The following VIT variants were observed in gnomAD, a reference collection of about 807,000 sequenced individuals.
VIT encodes vitrin.
A neutral mutation model predicts 78.0 loss-of-function variants in VIT; 99 were observed. The observed-to-expected ratio is 1.27, with a 90% CI of 1.08 to 1.50. VIT has a LOEUF of 1.50. VIT is among the 40% of genes most tolerant of loss of function. VIT has a pLI of 0.00. For missense variants in VIT, 1,126 were observed against 875.3 expected (o/e 1.29, Z -3.61); for synonymous variants, 374 against 334.3 (o/e 1.12, Z -1.29).
intron 1 of VIT, among the ~76,000 whole-genome samples, chr2:36,702,267 G>A (rs1317397890): frequency 6.6e-6 from 1 of 152,104 alleles, no homozygotes; most frequent in Non-Finnish European, 1.5e-5. Context: ...CCAAGGGTGC[G>A]CTTTGGACAA....
chr2:36,777,013 C>T (rs1418226479), intron 9 of VIT, among the ~76,000 whole-genome samples: 17 of 147,070 alleles, frequency 1.2e-4, no homozygotes, highest in Admixed American at 7.7e-4. Context: ...GGCATGAACC[C>T]AGGAGGCGGA....
At chr2:36,759,468 C>T in intron 6 of VIT, 2 of 1,201,850 alleles carry the variant, frequency 1.7e-6, no homozygotes, top group East Asian at 1.1e-4. Context: ...AGCTGCTCAT[C>T]CAAATAACCC....
At chr2:36,764,884 G>A (rs1177347314) in intron 6 of VIT, among the ~76,000 whole-genome samples, 1 of 151,916 alleles carries the variant, frequency 6.6e-6, no homozygotes, top group African/African-American at 2.4e-5. Context: ...AATGTCAAAG[G>A]GGAAGGTGGA....
chr2:36,697,179 A>G (rs1254590179), intron 1 of VIT, among the ~76,000 whole-genome samples: 1 of 152,240 alleles, frequency 6.6e-6, no homozygotes, highest in African/African-American at 2.4e-5. Flanking sequence ...TTATAAATAA[A>G]CTGCATTGAT....
intron 12 of VIT, among the ~76,000 whole-genome samples, chr2:36,794,730 A>C (rs890821529): frequency 6.6e-6 from 1 of 152,204 alleles, no homozygotes; most frequent in Non-Finnish European, 1.5e-5. Context: ...TAATTTTAGC[A>C]ATCAGAAAGG....
At chr2:36,779,073 C>T (rs191821252) in intron 9 of VIT, among the ~76,000 whole-genome samples, 1 of 152,238 alleles carries the variant, frequency 6.6e-6, no homozygotes, top group Non-Finnish European at 1.5e-5. Flanking sequence ...TAGGAGCAGG[C>T]ATGCTTCTGG....
intron 8 of VIT, 53 bp downstream of exon 8, chr2:36,773,900 A>G (rs1669905778): frequency 7.1e-6 from 11 of 1,545,164 alleles, no homozygotes; most frequent in East Asian, 2.3e-5. Context: ...GCTTGTTTAC[A>G]TGCGGTTCCT....
intron 12 of VIT, among the ~76,000 whole-genome samples, chr2:36,799,703 C>T (rs1196343019): frequency 5.2e-5 from 7 of 134,424 alleles, no homozygotes; most frequent in Admixed American, 2.4e-4. Context: ...AGCAACAGAA[C>T]GAAACCCTGT....
At chr2:36,780,107 T>C (rs1034885110) in intron 9 of VIT, among the ~76,000 whole-genome samples, 3 of 152,260 alleles carry the variant, frequency 2.0e-5, no homozygotes, top group African/African-American at 7.2e-5. Context: ...AAGTCTCAGC[T>C]GTCCAAATAT....
At chr2:36,764,351 T>C (rs1334008357) in intron 6 of VIT, among the ~76,000 whole-genome samples, 3 of 152,238 alleles carry the variant, frequency 2.0e-5, no homozygotes, top group Admixed American at 1.3e-4. Flanking sequence ...AACCCGGGCC[T>C]GCATCTCCGT....
At chr2:36,755,496 C>G (rs1028373287) in intron 5 of VIT, among the ~76,000 whole-genome samples, 5 of 152,152 alleles carry the variant, frequency 3.3e-5, no homozygotes, top group African/African-American at 1.2e-4. Context: ...TAATGGCAGT[C>G]TGTTCCATTG....
chr2:36,803,036 T>G (rs1666444699), intron 13 of VIT, among the ~76,000 whole-genome samples: 1 of 152,300 alleles, frequency 6.6e-6, no homozygotes, highest in Admixed American at 6.5e-5. Flanking sequence ...AGAAACCTGC[T>G]TTGTCCAGGA....
rs76377365 is a variant in VIT at position 36,813,789 on chromosome 2, G to A, written c.1904-394G>A. 5.1e-4 allele frequency among the ~76,000 whole-genome samples: 77 copies of A among 152,302 alleles called. No homozygotes were observed. The East Asian group carries it at 9.8e-3, about 19-fold the overall frequency. On this transcript the variant is annotated intron_variant, in intron 15 of 15. Transcript: ENST00000379242. ...CACTGGTAGAGCAGGCATGTGTCAT[G>A]TATTCTGATCTGCATGGCCCCAAAA...
chr2:36,804,895 A>T (rs17019851), intron 13 of VIT, among the ~76,000 whole-genome samples: 3 of 152,074 alleles, frequency 2.0e-5, no homozygotes, highest in Non-Finnish European at 2.9e-5. Context: ...AAGCGGAGAC[A>T]ATTAGAAGTT....
At chr2:36,770,964 C>A (rs1669713268) in intron 7 of VIT, among the ~76,000 whole-genome samples, 1 of 152,184 alleles carries the variant, frequency 6.6e-6, no homozygotes, top group African/African-American at 2.4e-5. Context: ...GACCAAGGAC[C>A]GCTAAGCGGG....
intron 12 of VIT, among the ~76,000 whole-genome samples, chr2:36,795,388 T>C (rs12986590): frequency 1.5e-5 from 2 of 131,002 alleles, no homozygotes; most frequent in Non-Finnish European, 3.3e-5. Context: ...TATTTTATAT[T>C]TTATTTTATA....
At chr2:36,767,012 A>C in intron 6 of VIT, 82 bp from the exon 7 acceptor site, 1 of 1,394,026 alleles carries the variant, frequency 7.2e-7, no homozygotes, top group Non-Finnish European at 9.4e-7. Flanking sequence ...GCTAGTGTTC[A>C]ATCAACATTT....
intron 7 of VIT, among the ~76,000 whole-genome samples, 162 bp from the exon 8 acceptor site, chr2:36,773,629 G>C (rs1669883148): frequency 1.3e-5 from 2 of 152,190 alleles, no homozygotes; most frequent in African/African-American, 4.8e-5. Context: ...TACTCGGGAG[G>C]CTGAGGTGGG....
In VIT at chr2:36,814,178, C is replaced by T. The variant is rs1185617889; in HGVS notation, c.1904-5C>T. 2 of 1,613,992 alleles carry T rather than the reference C, an allele frequency of 1.2e-6. No homozygotes were observed. The highest frequency in any genetic ancestry group is 1.3e-5 in the African/African-American group (1 of 74,940). On this transcript the variant is annotated splice_polypyrimidine_tract_variant and splice_region_variant and intron_variant, in intron 15 of 15. Transcript: ENST00000379242. ...CATTTGTTCATCTAACCTTTGTCCC[C>T]ACAGGAGTGATCACCTATGCGATAG...
Sources: allele counts gnomAD v4.1 joint callset (sites outside exome capture counted in the v4.1 genomes callset), GRCh38; gene constraint gnomAD v4.1.1; transcripts MANE v1.5; gene names NCBI Gene and HGNC (gene_info 2026-07-23, HGNC 2026-07-21).